WSCD1: variants seen among roughly 807,000 people sequenced by gnomAD.
WSCD1 encodes the protein sialate:O-sulfotransferase 1.
A neutral mutation model predicts 60.4 loss-of-function variants in WSCD1; 41 were observed. The observed-to-expected ratio is 0.68, with a 90% CI of 0.53 to 0.88. The LOEUF (loss-of-function observed/expected upper bound fraction) is 0.88. WSCD1 is among the 40% of genes least tolerant of loss of function. The pLI is 0.00. For synonymous variants in WSCD1, 361 were observed against 332.5 expected (o/e 1.09, Z -0.93); for missense variants, 784 against 796.2 (o/e 0.98, Z 0.18).
chr17:6,070,048 C>G (rs1016790907), upstream of WSCD1, among the ~76,000 whole-genome samples: 1 of 150,936 alleles, frequency 6.6e-6, no homozygotes, highest in Non-Finnish European at 1.5e-5. Context: ...CTCCTCTGCG[C>G]GGCAGTGCCC....
At chr17:6,116,119 C>T (rs1463498166) in intron 7 of WSCD1, among the ~76,000 whole-genome samples, 2 of 152,174 alleles carry the variant, frequency 1.3e-5, no homozygotes, top group Admixed American at 1.3e-4. Context: ...GAAGTGGCCA[C>T]ATGAGCACAT....
intron 1 of WSCD1, among the ~76,000 whole-genome samples, chr17:6,079,146 C>T (rs1446663926): frequency 2.6e-5 from 4 of 152,206 alleles, no homozygotes; most frequent in African/African-American, 7.2e-5. Flanking sequence ...GGTCTTTGTC[C>T]GAAGCCTCCA....
chr17:6,120,711 G>A lies in WSCD1; in HGVS notation c.*50G>A, dbSNP rs199807603. 3.3e-4 allele frequency: 504 copies of A among 1,545,636 alleles called. No individual in the cohort carries two copies. The highest frequency in any genetic ancestry group is 4.5e-4 in the Admixed American group (25 of 56,128). ...CCGCTGAGTGACGCAATCGCACCAC[G>A]GGGCTGCGCTCCCCACTCTGATGCT... On this transcript the variant is annotated 3_prime_UTR_variant, in exon 9 of 9. Transcript: ENST00000317744.
At chr17:6,099,949 C>A (rs1597363802) in intron 5 of WSCD1, among the ~76,000 whole-genome samples, 1 of 152,160 alleles carries the variant, frequency 6.6e-6, no homozygotes, top group Admixed American at 6.5e-5. Flanking sequence ...CGGCACGAGA[C>A]CAAGAACCCT....
In WSCD1 at chr17:6,120,815, C is replaced by A; in HGVS notation, c.*154C>A. 1 of 729,644 alleles carries A rather than the reference C, an allele frequency of 1.4e-6. No individual in the cohort carries two copies. Among genetic ancestry groups the A allele is most frequent in the Non-Finnish European group, 2.2e-6 (1 of 454,816 alleles). 45.2% of individuals were successfully genotyped at this position (729,644 alleles called of 1,614,324 possible). A position where few individuals can be genotyped will look rare whatever the true frequency, so the allele number is the denominator to read the frequency against. Reference sequence around the variant, plus strand: ...TGCCTCCCGCACAAGGAGACCTGGACACAACAGACACACATCACAAGGCGA... The same window carrying A: ...TGCCTCCCGCACAAGGAGACCTGGAAACAACAGACACACATCACAAGGCGA... On this transcript the variant is annotated 3_prime_UTR_variant, in exon 9 of 9. Coordinates refer to ENST00000317744, the MANE Select transcript of WSCD1 (RefSeq NM_015253.2).
intron 3 of WSCD1, among the ~76,000 whole-genome samples, chr17:6,088,918 G>T (rs1489132014): frequency 6.6e-6 from 1 of 152,018 alleles, no homozygotes; most frequent in African/African-American, 2.4e-5. Context: ...GAGTAGCTGG[G>T]ACTACAGGCG....
chr17:6,121,392 C>T lies in WSCD1; in HGVS notation c.*731C>T, dbSNP rs1244429148. 1.3e-5 allele frequency: 2 copies of T among 152,524 alleles called. No homozygotes were observed. The highest frequency in any genetic ancestry group is 2.9e-5 in the Non-Finnish European group (2 of 68,330). The allele number at this position is 152,524 out of a possible 1,614,324, so 9.4% of individuals were successfully genotyped here. On this transcript the variant is annotated 3_prime_UTR_variant, in exon 9 of 9. Transcript: ENST00000317744. ...CACCCCGCCCAAGCCAATGCAGACA[C>T]TGACCTCAAGACCAGCCACACCAAG...
chr17:6,070,153 G>GGTGTGT (rs375644165), upstream of WSCD1, among the ~76,000 whole-genome samples: 281 of 142,306 alleles, frequency 2.0e-3, no homozygotes, highest in African/African-American at 4.0e-3. Context: ...CTGGGTGACT[G>GGTGTGT]GTGTGTGTGT....
At chr17:6,117,965 G>T in intron 7 of WSCD1, 23 bp from the exon 8 acceptor site, 3 of 1,611,996 alleles carry the variant, frequency 1.9e-6, no homozygotes, top group Non-Finnish European at 2.5e-6. Context: ...CTTCCACAGA[G>T]ACCCTCTCAT....
chr17:6,109,719 C>G lies in WSCD1; in HGVS notation c.962C>G (p.Ala321Gly). The change falls in exon 6 of 9, where the codon GCA (alanine) becomes GGA (glycine). Residue 321 changes from alanine to glycine, a missense_variant. By Grantham distance (60) the Ala-to-Gly change is moderately conservative (BLOSUM62 0). Transcript: ENST00000317744. Reference protein sequence around the residue: ...DSSVCGQDPEAQRLAEYCEVY... With the variant: ...DSSVCGQDPEGQRLAEYCEVY... ...TCAGTATGTGGCCAGGACCCTGAGG[C>G]ACAGAGGCTGGCAGAATACTGTGAG... 1.4e-5 allele frequency: 23 copies of G among 1,614,168 alleles called. No homozygotes were observed. Among genetic ancestry groups the G allele is most frequent in the Non-Finnish European group, 1.9e-5 (23 of 1,180,010 alleles).
intron 5 of WSCD1, among the ~76,000 whole-genome samples, chr17:6,108,956 C>A (rs1032968402): frequency 1.3e-5 from 2 of 152,208 alleles, no homozygotes; most frequent in Admixed American, 6.5e-5. Flanking sequence ...TTCTTCTCCA[C>A]CCCTTCCATC....
At chr17:6,120,050 C>T (rs1567563368) in intron 8 of WSCD1, among the ~76,000 whole-genome samples, 1 of 152,196 alleles carries the variant, frequency 6.6e-6, no homozygotes, top group African/African-American at 2.4e-5. Flanking sequence ...GCTGACTTAG[C>T]TTTATAGGAG....
chr17:6,073,112 T>C lies in WSCD1; in HGVS notation c.-289+2460T>C, dbSNP rs142589239. On this transcript the variant is annotated intron_variant, in intron 1 of 8. Coordinates refer to ENST00000317744, the MANE Select transcript of WSCD1 (RefSeq NM_015253.2). ...GACAAGGATGTGCAGCAGGCTGTCT[T>C]GGCCTCTCTCCCATAGCCCGAGTGC... Among the ~76,000 whole-genome samples, 496 of 152,264 alleles carry C rather than the reference T, an allele frequency of 3.3e-3. 2 individuals carry two copies. Among genetic ancestry groups the C allele is most frequent in the Non-Finnish European group, 6.2e-3 (419 of 68,014 alleles).
rs538034413 is a variant in WSCD1 at position 6,120,403 on chromosome 17, C to T, written c.1470C>T (p.Tyr490=). 1.5e-5 allele frequency: 25 copies of T among 1,614,056 alleles called. 1 individual carries two copies. Among genetic ancestry groups the T allele is most frequent in the African/African-American group, 1.5e-4 (11 of 75,070 alleles). ...GGAAGCGGCTGCTGGTGGTGCACTA[C>T]GAGGAGCTGCGGCGCAGCCTGGTGC... is the stretch of plus-strand genomic sequence containing the variant. The part of the protein sequence containing the change: ...KYGKRLLVVH[Y]EELRRSLVPT... Residue 490 remains tyrosine (Y), a synonymous_variant, in exon 9 of 9, where the codon TAC becomes TAT. Coordinates refer to ENST00000317744, the MANE Select transcript of WSCD1 (RefSeq NM_015253.2).
intron 4 of WSCD1, among the ~76,000 whole-genome samples, chr17:6,090,717 A>G (rs1909979965): frequency 6.6e-6 from 1 of 152,108 alleles, no homozygotes; most frequent in Admixed American, 6.5e-5. Flanking sequence ...TCATGACTGA[A>G]GCATACCTTT....
chr17:6,097,484 G>A (rs1403455572), intron 5 of WSCD1, among the ~76,000 whole-genome samples: 4 of 152,140 alleles, frequency 2.6e-5, no homozygotes, highest in Non-Finnish European at 4.4e-5. Flanking sequence ...AGCTGCACCC[G>A]CCCTTCTGCA....
At chr17:6,089,031 C>T (rs1399129156) in intron 3 of WSCD1, among the ~76,000 whole-genome samples, 1 of 152,212 alleles carries the variant, frequency 6.6e-6, no homozygotes, top group Non-Finnish European at 1.5e-5. Context: ...ATCTGCCCGC[C>T]TCAGCCTCCC....
intron 2 of WSCD1, among the ~76,000 whole-genome samples, chr17:6,085,671 TGTG>T (rs1909590654): frequency 6.6e-6 from 1 of 152,194 alleles, no homozygotes; most frequent in African/African-American, 2.4e-5. Context: ...TTGAAAACCT[TGTG>T]GTTAATTTCC....
intron 7 of WSCD1, among the ~76,000 whole-genome samples, chr17:6,116,543 C>A (rs1911692678): frequency 6.6e-6 from 1 of 152,166 alleles, no homozygotes; most frequent in Non-Finnish European, 1.5e-5. Context: ...ATGGAAGGCA[C>A]CCCGGGTCTC....
Sources: allele counts gnomAD v4.1 joint callset (sites outside exome capture counted in the v4.1 genomes callset), GRCh38; gene constraint gnomAD v4.1.1; transcripts MANE v1.5; gene names NCBI Gene and HGNC (gene_info 2026-07-23, HGNC 2026-07-21).